APP: variants seen among roughly 807,000 people sequenced by gnomAD.
The protein encoded by APP is amyloid beta precursor protein, also known as amyloid-beta precursor protein.
Under a neutral mutation model 101.4 loss-of-function variants are expected in APP, and 31 were observed. That is an observed-to-expected ratio of 0.31 (90% CI 0.23 to 0.41). The LOEUF (loss-of-function observed/expected upper bound fraction) is 0.41, where lower values mean the gene tolerates loss of function less well. Ranked by LOEUF, APP falls within the 10% of genes least tolerant of loss-of-function variation. The pLI, the probability that APP is intolerant of heterozygous loss-of-function variation, is 1.00. For synonymous variants in APP, 366 were observed against 364.4 expected, an observed-to-expected ratio of 1.00 and a Z score of -0.05; for missense variants, 839 against 1,003.7, an observed-to-expected ratio of 0.84 and a Z score of 2.22.
chr21:26,102,103 T>TA (rs1197253013), intron 2 of APP, among the ~76,000 whole-genome samples: 6 of 25,050 alleles, frequency 2.4e-4, no homozygotes, highest in Non-Finnish European at 5.4e-4. Flanking sequence ...TTTTTTTTTT[T>TA]TGGAGCCGGA....
intron 6 of APP, among the ~76,000 whole-genome samples, chr21:26,019,820 A>G (rs185095098): frequency 1.3e-5 from 2 of 152,338 alleles, no homozygotes; most frequent in African/African-American, 2.4e-5. Flanking sequence ...CTTCCCTGCT[A>G]CAGGCATCAG....
Position 26,135,909 on chromosome 21 carries a change from G to A in APP, c.58-23763C>T, listed in dbSNP as rs946340731. Among the ~76,000 whole-genome samples the A allele has an allele frequency of 4.0e-5, 6 of 151,836 alleles. No homozygotes were observed. The East Asian group carries it at 5.8e-4, about 15-fold the overall frequency. ...AGCACGCTGGGTGGCCGAGGCAGGC[G>A]GATCACGAGGTCAGAAGTTCGAGAC... is the stretch of plus-strand genomic sequence containing the variant. On this transcript the variant is annotated intron_variant, in intron 1 of 17. Transcript: ENST00000346798.
chr21:25,998,510 A>G (rs1046584446), intron 7 of APP, among the ~76,000 whole-genome samples: 2 of 151,932 alleles, frequency 1.3e-5, no homozygotes, highest in Non-Finnish European at 2.9e-5. Context: ...TTTCCATTAC[A>G]TTCCTCTTAG....
intron 13 of APP, among the ~76,000 whole-genome samples, chr21:25,951,612 C>G (rs530468970): frequency 6.6e-6 from 1 of 151,980 alleles, no homozygotes; most frequent in East Asian, 1.9e-4. Flanking sequence ...ACAGAAATAG[C>G]AAATAAATGC....
chr21:26,034,192 G>A (rs1339610568), intron 5 of APP, among the ~76,000 whole-genome samples: 1 of 152,140 alleles, frequency 6.6e-6, no homozygotes, highest in Non-Finnish European at 1.5e-5. Flanking sequence ...TATTTAAGTA[G>A]AAACAAAATC....
upstream of APP, chr21:26,170,778 G>A: frequency 2.6e-6 from 2 of 772,046 alleles, no homozygotes; most frequent in South Asian, 2.3e-5. Flanking sequence ...GACGGAGCCC[G>A]AGCGCGGCGG....
At chr21:25,916,036 C>T (rs2039332424) in intron 13 of APP, among the ~76,000 whole-genome samples, 3 of 151,670 alleles carry the variant, frequency 2.0e-5, no homozygotes, top group South Asian at 2.1e-4. Flanking sequence ...TAATTCAACA[C>T]AGAAAATTTA....
intron 13 of APP, among the ~76,000 whole-genome samples, chr21:25,944,983 T>C (rs2040742960): frequency 6.6e-6 from 1 of 152,162 alleles, no homozygotes. Flanking sequence ...GAAAATAGCT[T>C]TGGAACTGCA....
intron 2 of APP, among the ~76,000 whole-genome samples, chr21:26,095,185 C>T (rs2061914517): frequency 6.6e-6 from 1 of 152,046 alleles, no homozygotes; most frequent in African/African-American, 2.4e-5. Context: ...TCCTATGTTG[C>T]CCAGGCTGGT....
Position 26,059,890 on chromosome 21 carries a change from C to CAAAAAAAAAAA in APP, c.356-6553_356-6543dup, listed in dbSNP as rs57594630. ...TGAGCGAAAGAGCGAGACTCCGTCT[C>CAAAAAAAAAAA]AAAAAAAAAAAAAAAAAAAAAAAAA... On this transcript the variant is annotated intron_variant, in intron 3 of 17. Coordinates refer to ENST00000346798, the MANE Select transcript of APP (RefSeq NM_000484.4). Among the ~76,000 whole-genome samples, 15 of 70,658 alleles carry CAAAAAAAAAAA rather than the reference C, an allele frequency of 2.1e-4. No individual in the cohort carries two copies. In the East Asian group the frequency reaches 2.8e-3, roughly 13 times the overall value. 46.4% of individuals were successfully genotyped at this position (70,658 alleles called of 152,430 possible).
intron 3 of APP, among the ~76,000 whole-genome samples, chr21:26,060,924 G>A (rs1198203501): frequency 3.9e-5 from 6 of 152,214 alleles, no homozygotes; most frequent in Non-Finnish European, 8.8e-5. Context: ...ACAGCTGACT[G>A]CACGGGGCCT....
intron 5 of APP, among the ~76,000 whole-genome samples, chr21:26,029,085 C>G (rs553904595): frequency 9.2e-5 from 14 of 152,116 alleles, no homozygotes; most frequent in African/African-American, 3.4e-4. Context: ...TTAGCACGTT[C>G]AGCAAAAACA....
chr21:25,892,014 C>A, intron 16 of APP, 146 bp from the exon 17 acceptor site: 1 of 713,314 alleles, frequency 1.4e-6, no homozygotes, highest in Non-Finnish European at 2.3e-6. Context: ...ATTCTCTGCC[C>A]AACTGGTTGG....
chr21:26,033,402 TCAGCCATGCA>T (rs2044934039), intron 5 of APP, among the ~76,000 whole-genome samples: 1 of 152,206 alleles, frequency 6.6e-6, no homozygotes, highest in South Asian at 2.1e-4. Context: ...TGAGGCCTCC[TCAGCCATGCA>T]GAACTGTGAG....
intron 1 of APP, among the ~76,000 whole-genome samples, chr21:26,163,984 C>T (rs2063553420): frequency 6.6e-6 from 1 of 152,200 alleles, no homozygotes; most frequent in African/African-American, 2.4e-5. Context: ...CGGTGGCTCA[C>T]GCCTGTAATC....
In APP at chr21:25,955,871, C is replaced by A. The variant is rs556159517; in HGVS notation, c.1459-116G>T. On this transcript the variant is annotated intron_variant, in intron 11 of 17. Coordinates refer to ENST00000346798, the MANE Select transcript of APP (RefSeq NM_000484.4). ...CCGGTCATGTGAACGTACTGTGAGTCACCTTTTTGCAGGTCTGCCTTCTAA... is the reference window on the plus strand; with the variant it reads ...CCGGTCATGTGAACGTACTGTGAGTAACCTTTTTGCAGGTCTGCCTTCTAA... 293 of 1,444,712 alleles carry A rather than the reference C, an allele frequency of 2.0e-4. 1 individual carries two copies. In the South Asian group the frequency reaches 3.3e-3, roughly 16 times the overall value. 89.5% of individuals were successfully genotyped at this position (1,444,712 alleles called of 1,614,324 possible). A position where few individuals can be genotyped will look rare whatever the true frequency, so the allele number is the denominator to read the frequency against.
intron 2 of APP, among the ~76,000 whole-genome samples, chr21:26,098,081 G>GAAAAAAAAAAAAAAAA (rs757879199): frequency 1.8e-5 from 1 of 54,380 alleles, no homozygotes; most frequent in African/African-American, 6.3e-5. Flanking sequence ...CTCTGTCTCA[G>GAAAAAAAAAAAAAAAA]AAAAAAAAAA....
chr21:25,968,962 T>C (rs910293857), intron 11 of APP, among the ~76,000 whole-genome samples: 2 of 152,132 alleles, frequency 1.3e-5, no homozygotes, highest in African/African-American at 4.8e-5. Flanking sequence ...ATCTCAGAAA[T>C]ATTTATGTAT....
intron 16 of APP, among the ~76,000 whole-genome samples, chr21:25,893,047 G>C (rs2037801164): frequency 6.6e-6 from 1 of 151,966 alleles, no homozygotes; most frequent in Admixed American, 6.6e-5. Flanking sequence ...TCATGTCTGT[G>C]TCACATTTTG....
Sources: gnomAD v4.1 joint callset for allele counts (sites outside exome capture counted in the v4.1 genomes callset) on GRCh38, gnomAD v4.1.1 for gene constraint, MANE v1.5 for transcripts, NCBI Gene and HGNC (gene_info 2026-07-23, HGNC 2026-07-21) for gene names.